Variants in KCNMA1 observed in about 807,000 individuals in gnomAD.
KCNMA1 encodes the protein Calcium-activated potassium channel subunit alpha-1.
Under a neutral mutation model 140.0 loss-of-function variants are expected in KCNMA1, and 29 were observed. The ratio of observed to expected loss-of-function variants is 0.21; its 90% CI spans 0.15 to 0.28. KCNMA1 has a LOEUF of 0.28. Ranked by LOEUF, KCNMA1 falls within the 10% of genes least tolerant of loss-of-function variation. KCNMA1 has a pLI of 1.00. For missense variants in KCNMA1, 880 were observed against 1,602.2 expected, an observed-to-expected ratio of 0.55 and a Z score of 7.70; for synonymous variants, 612 against 611.9, an observed-to-expected ratio of 1.00 and a Z score of 0.00.
intron 1 of KCNMA1, among the ~76,000 whole-genome samples, chr10:77,411,315 G>A (rs548790585): frequency 1.3e-5 from 2 of 152,188 alleles, no homozygotes; most frequent in African/African-American, 2.4e-5. Flanking sequence ...GGAAGGAGGA[G>A]AGGAGGGAGG....
intron 20 of KCNMA1, among the ~76,000 whole-genome samples, chr10:76,965,231 T>C (rs771195672): frequency 3.3e-5 from 5 of 152,134 alleles, no homozygotes; most frequent in Non-Finnish European, 7.4e-5. Flanking sequence ...TAGGATGATT[T>C]TAGAGGAAAA....
intron 14 of KCNMA1, among the ~76,000 whole-genome samples, chr10:77,042,761 A>C (rs796825699): frequency 1.3e-5 from 2 of 152,230 alleles, no homozygotes; most frequent in African/African-American, 4.8e-5. Flanking sequence ...GTGAATCACT[A>C]AACTTTTTAA....
chr10:76,910,401 C>T lies in KCNMA1; in HGVS notation c.3017-305G>A, dbSNP rs866886655. 4.0e-5 allele frequency: 15 copies of T among 374,502 alleles called. No homozygotes were observed. In the Middle Eastern group the frequency reaches 3.6e-3, roughly 89 times the overall value. The allele number at this position is 374,502 out of a possible 1,614,324, so 23.2% of individuals were successfully genotyped here. On this transcript the variant is annotated intron_variant, in intron 24 of 27. Transcript: ENST00000286628. ...CTTTGGCATAGCTTTAGGATCATGACCTAAAAACACTTTCCAGTGTTTTTT... is the reference window on the plus strand; with the variant it reads ...CTTTGGCATAGCTTTAGGATCATGATCTAAAAACACTTTCCAGTGTTTTTT...
intron 1 of KCNMA1, among the ~76,000 whole-genome samples, chr10:77,552,712 G>A (rs767177956): frequency 2.0e-5 from 3 of 152,182 alleles, no homozygotes; most frequent in African/African-American, 4.8e-5. Flanking sequence ...AGGGACCAGC[G>A]GTGGCCTGGC....
chr10:77,378,758 A>G (rs894821741), intron 2 of KCNMA1, among the ~76,000 whole-genome samples: 5 of 152,250 alleles, frequency 3.3e-5, no homozygotes, highest in African/African-American at 1.2e-4. Flanking sequence ...AAAGCACTGT[A>G]TGCAAACATA....
chr10:77,260,839 G>A (rs1406223897), intron 2 of KCNMA1, among the ~76,000 whole-genome samples: 5 of 152,228 alleles, frequency 3.3e-5, no homozygotes, highest in South Asian at 2.1e-4. Context: ...GGAGCATTAC[G>A]TGAAGAAGCA....
At chr10:77,209,928 CAA>C (rs34004473) in intron 3 of KCNMA1, among the ~76,000 whole-genome samples, 271 of 128,146 alleles carry the variant, frequency 2.1e-3, no homozygotes, top group Middle Eastern at 0.019. Context: ...ACCTACCAAC[CAA>C]AAAAAAAAAA....
intron 14 of KCNMA1, among the ~76,000 whole-genome samples, chr10:77,062,855 A>T (rs1383943530): frequency 6.6e-6 from 1 of 152,216 alleles, no homozygotes; most frequent in Non-Finnish European, 1.5e-5. Context: ...TTGGAGAAGC[A>T]ATGTGTAACA....
intron 13 of KCNMA1, among the ~76,000 whole-genome samples, chr10:77,074,938 G>C (rs1345964440): frequency 6.6e-6 from 1 of 152,190 alleles, no homozygotes; most frequent in Non-Finnish European, 1.5e-5. Flanking sequence ...TACAATAGTT[G>C]AACTAGAAGG....
intron 2 of KCNMA1, chr10:77,355,087 C>A: frequency 6.5e-6 from 1 of 152,826 alleles, no homozygotes; most frequent in Non-Finnish European, 1.5e-5. Context: ...CTCGTGGTAG[C>A]GAATAAATCT....
intron 23 of KCNMA1, among the ~76,000 whole-genome samples, chr10:76,917,986 G>A (rs2053675431): frequency 6.6e-6 from 1 of 152,148 alleles, no homozygotes; most frequent in Non-Finnish European, 1.5e-5. Context: ...ATAGGATGGT[G>A]TCCACCGCAT....
At chr10:76,930,877 T>G (rs895006109) in intron 23 of KCNMA1, among the ~76,000 whole-genome samples, 13 of 152,166 alleles carry the variant, frequency 8.5e-5, no homozygotes, top group African/African-American at 3.1e-4. Context: ...CTAAGTGAAA[T>G]AAGCCAGTTA....
chr10:77,240,437 A>G (rs985618778), intron 3 of KCNMA1, among the ~76,000 whole-genome samples: 4 of 152,170 alleles, frequency 2.6e-5, no homozygotes, highest in African/African-American at 9.7e-5. Flanking sequence ...TAGAGAGAGA[A>G]GGGGTCCTTT....
intron 2 of KCNMA1, among the ~76,000 whole-genome samples, chr10:77,333,240 C>G (rs1332508277): frequency 3.3e-5 from 5 of 151,408 alleles, no homozygotes; most frequent in Non-Finnish European, 7.4e-5. Context: ...GGGTGAGAAA[C>G]AGCTTATATC....
At chr10:76,949,516 C>T (rs2065438838) in intron 21 of KCNMA1, 150 bp from the exon 22 acceptor site, 2 of 708,594 alleles carry the variant, frequency 2.8e-6, no homozygotes, top group Non-Finnish European at 5.0e-6. Context: ...ATGTTATATA[C>T]ATGCCATATA....
intron 1 of KCNMA1, among the ~76,000 whole-genome samples, chr10:77,620,555 G>C (rs2091051198): frequency 6.6e-6 from 1 of 152,188 alleles, no homozygotes; most frequent in South Asian, 2.1e-4. Context: ...GGCCTGGGAG[G>C]CCTCTTGTAT....
At position 77,139,866 on chromosome 10, in the gene KCNMA1, C is replaced by T. The variant is rs1012778609; in HGVS notation, c.809-18818G>A. ...ACGCTCCCATGGTCAAATGTAAGGA[C>T]AGAAAATGAGCCACAACTCGCACTG... On this transcript the variant is annotated intron_variant, in intron 5 of 27. Transcript: ENST00000286628. Among the ~76,000 whole-genome samples the T allele has an allele frequency of 2.6e-5, 4 of 151,976 alleles. No individual in the cohort carries two copies. The East Asian group carries it at 5.8e-4, about 22-fold the overall frequency.
In KCNMA1 at chr10:77,637,569, ATTCT is replaced by A. The variant is rs2093893902; in HGVS notation, c.70_73del (p.Arg24Ter). 6.5e-7 allele frequency: 1 copy of A among 1,537,982 alleles called. No homozygotes were observed. The highest frequency in any genetic ancestry group is 1.4e-5 in the African/African-American group (1 of 72,606). On this transcript the variant is annotated frameshift_variant, in exon 1 of 28. Transcript: ENST00000286628. LOFTEE classifies it high-confidence loss of function. The stretch of plus-strand genomic sequence containing the variant: ...ATGGTTCGCGTGGATATTGCTACTC[ATTCT>A]AAGACTGCTGCCTCCGCCGCCGCCG...
intron 1 of KCNMA1, among the ~76,000 whole-genome samples, chr10:77,543,789 T>C (rs1208836082): frequency 6.6e-6 from 1 of 152,138 alleles, no homozygotes; most frequent in Admixed American, 6.5e-5. Context: ...CTTAACAATG[T>C]AAAAATAAGC....
Sources: gnomAD v4.1 joint callset for allele counts (sites outside exome capture counted in the v4.1 genomes callset) on GRCh38, gnomAD v4.1.1 for gene constraint, MANE v1.5 for transcripts, NCBI Gene and HGNC (gene_info 2026-07-23, HGNC 2026-07-21) for gene names.